Variants in WDPCP observed in about 807,000 individuals in gnomAD.
WDPCP encodes the protein WD repeat containing planar cell polarity effector, also known as WD repeat-containing and planar cell polarity effector protein fritz homolog.
WDPCP carries 71 observed loss-of-function variants against 93.1 expected under a neutral mutation model. The observed-to-expected ratio is 0.76, with a 90% CI of 0.63 to 0.93. The LOEUF (loss-of-function observed/expected upper bound fraction) is 0.93. Among genes scored for constraint, WDPCP ranks in the 40% least tolerant of loss-of-function variants. The probability of loss-of-function intolerance (pLI) is 0.00; values close to 1 mark genes in which losing one functional copy is unlikely to be tolerated. For missense variants in WDPCP, 844 were observed against 887.4 expected, an observed-to-expected ratio of 0.95 and a Z score of 0.62; for synonymous variants, 315 against 315.0, an observed-to-expected ratio of 1.00 and a Z score of 0.00.
At chr2:63,324,353 C>T (rs570754621) in intron 12 of WDPCP, among the ~76,000 whole-genome samples, 81 of 152,214 alleles carry the variant, frequency 5.3e-4, no homozygotes, top group African/African-American at 1.9e-3. Context: ...ATCTCCCCTG[C>T]CCAGAAGGAA....
chr2:63,481,827 A>T (rs2105890392), intron 6 of WDPCP, among the ~76,000 whole-genome samples: 1 of 152,086 alleles, frequency 6.6e-6, no homozygotes, highest in Admixed American at 6.6e-5. Flanking sequence ...AAAATCTCAG[A>T]AATCACCACC....
intron 12 of WDPCP, among the ~76,000 whole-genome samples, chr2:63,324,974 G>A (rs1421346813): frequency 6.6e-6 from 1 of 152,210 alleles, no homozygotes; most frequent in African/African-American, 2.4e-5. Context: ...TCACTTGAGG[G>A]TCAATTGATT....
intron 13 of WDPCP, among the ~76,000 whole-genome samples, chr2:63,265,236 TA>T (rs1184112093): frequency 6.6e-6 from 1 of 151,970 alleles, no homozygotes; most frequent in Non-Finnish European, 1.5e-5. Flanking sequence ...TCAAGAAAAC[TA>T]AAAGTTGGTT....
chr2:63,341,286 G>A (rs1364028999), intron 12 of WDPCP, among the ~76,000 whole-genome samples: 1 of 152,044 alleles, frequency 6.6e-6, no homozygotes, highest in Non-Finnish European at 1.5e-5. Flanking sequence ...GCACCACCAT[G>A]CCCAGCTAAT....
At chr2:63,571,474 T>G in intron 1 of WDPCP, 1 of 468,644 alleles carries the variant, frequency 2.1e-6, no homozygotes, top group Admixed American at 2.4e-5. Flanking sequence ...AGTGAAGGTC[T>G]GCTGGCAACA....
intron 17 of WDPCP, among the ~76,000 whole-genome samples, chr2:63,152,088 A>G (rs1574738478): frequency 6.6e-6 from 1 of 152,248 alleles, no homozygotes. Flanking sequence ...GATATTTTAT[A>G]TGCATTATTT....
intron 6 of WDPCP, among the ~76,000 whole-genome samples, chr2:63,453,713 T>C (rs567179107): frequency 1.1e-4 from 17 of 152,020 alleles, no homozygotes; most frequent in African/African-American, 4.1e-4. Context: ...AACAATGACA[T>C]ACTGGATTAA....
At chr2:63,834,861 A>G in the WDPCP span, among the ~76,000 whole-genome samples, 1 of 152,150 alleles carries the variant, frequency 6.6e-6, no homozygotes, top group Admixed American at 6.5e-5. Flanking sequence ...TAGACATCGG[A>G]TATTTTTCGT....
intron 2 of WDPCP, among the ~76,000 whole-genome samples, chr2:63,795,554 G>T (rs1453272173): frequency 1.4e-5 from 2 of 147,232 alleles, no homozygotes; most frequent in African/African-American, 2.5e-5. Context: ...AGAGAGGGGG[G>T]AAGAAAGAAA....
intron 2 of WDPCP, among the ~76,000 whole-genome samples, chr2:63,679,168 C>G (rs1482514718): frequency 1.3e-5 from 2 of 152,224 alleles, no homozygotes; most frequent in East Asian, 1.9e-4. Flanking sequence ...TACCCCTACT[C>G]AATCTTTTAA....
chr2:63,159,247 G>T (rs1457304157), intron 15 of WDPCP, among the ~76,000 whole-genome samples: 1 of 150,720 alleles, frequency 6.6e-6, no homozygotes, highest in Non-Finnish European at 1.5e-5. Flanking sequence ...TTGATACTTG[G>T]GTTTTTTTTT....
At chr2:63,313,868 A>ATATATATGTGTGTGTG (rs1686385224) in intron 12 of WDPCP, among the ~76,000 whole-genome samples, 1 of 7,260 alleles carries the variant, frequency 1.4e-4, no homozygotes, top group African/African-American at 5.0e-4. Context: ...ATATATATAT[A>ATATATATGTGTGTGTG]TATATATATA....
intron 1 of WDPCP, among the ~76,000 whole-genome samples, chr2:63,531,954 A>C (rs1703885453): frequency 6.6e-6 from 1 of 152,122 alleles, no homozygotes; most frequent in African/African-American, 2.4e-5. Context: ...AAGGAAGCTA[A>C]AAACCTTGAA....
At chr2:63,656,439 A>C (rs1710166618) in intron 2 of WDPCP, among the ~76,000 whole-genome samples, 3 of 152,230 alleles carry the variant, frequency 2.0e-5, no homozygotes, top group African/African-American at 7.2e-5. Context: ...TGCCAAGGCC[A>C]AATACCTGGG....
chr2:63,725,757 G>C (rs1669488300), intron 2 of WDPCP, among the ~76,000 whole-genome samples: 1 of 152,046 alleles, frequency 6.6e-6, no homozygotes, highest in African/African-American at 2.4e-5. Context: ...GTATGAGATG[G>C]TATCTCATTG....
rs943290846 is a variant in WDPCP at position 63,584,497 on chromosome 2, A to C, written c.75+3700T>G. On this transcript the variant is annotated intron_variant, in intron 1 of 17. Transcript: ENST00000272321. Reference sequence around the variant, plus strand: ...ATTCATTTTCAATGAATCCAATGAAAATGAATTCATTTTCAATCAATCCAA... The same window carrying C: ...ATTCATTTTCAATGAATCCAATGAACATGAATTCATTTTCAATCAATCCAA... Among the ~76,000 whole-genome samples the C allele has an allele frequency of 3.3e-5, 5 of 152,016 alleles. No individual in the cohort carries two copies. The East Asian group carries it at 9.6e-4, about 29-fold the overall frequency.
At chr2:63,316,808 C>T (rs1559315089) in intron 12 of WDPCP, among the ~76,000 whole-genome samples, 1 of 152,168 alleles carries the variant, frequency 6.6e-6, no homozygotes, top group African/African-American at 2.4e-5. Flanking sequence ...CCCATAGTCT[C>T]TGCCCAAAGA....
chr2:63,366,665 T>C (rs1462075751), intron 12 of WDPCP, among the ~76,000 whole-genome samples: 1 of 152,144 alleles, frequency 6.6e-6, no homozygotes, highest in African/African-American at 2.4e-5. Flanking sequence ...ATTAAGAATG[T>C]CCTCATATTC....
Position 63,530,163 on chromosome 2 carries a change from T to C in WDPCP, c.76-37223A>G, listed in dbSNP as rs190209477. Among the ~76,000 whole-genome samples the C allele has an allele frequency of 2.5e-3, 374 of 152,258 alleles. 2 individuals carry two copies. Among genetic ancestry groups the C allele is most frequent in the African/African-American group, 8.4e-3 (348 of 41,530 alleles). ...TTCAAAAAACCAGCTCCTGGATTCA[T>C]TGATTTTTTTGTAGGGTTTTTTGTG... On this transcript the variant is annotated intron_variant, in intron 1 of 17. Transcript: ENST00000272321.
Sources: gnomAD v4.1 joint callset for allele counts (sites outside exome capture counted in the v4.1 genomes callset) on GRCh38, gnomAD v4.1.1 for gene constraint, MANE v1.5 for transcripts, NCBI Gene and HGNC (gene_info 2026-07-23, HGNC 2026-07-21) for gene names.